PLK1: variants seen among roughly 807,000 people sequenced by gnomAD.
The protein encoded by PLK1 is serine/threonine-protein kinase PLK1.
PLK1 carries 6 observed loss-of-function variants against 56.7 expected under a neutral mutation model. That is an observed-to-expected ratio of 0.11 (90% CI 0.06 to 0.21). The LOEUF is 0.21. Ranked by LOEUF, PLK1 falls within the 10% of genes least tolerant of loss-of-function variation. The pLI is 1.00. For missense variants in PLK1, 546 were observed against 814.4 expected (o/e 0.67, Z 4.01); for synonymous variants, 298 against 325.0 (o/e 0.92, Z 0.89).
Position 23,681,919 on chromosome 16 carries a change from T to C in PLK1, c.723-145T>C, listed in dbSNP as rs1597134412. 10 of 611,506 alleles carry C rather than the reference T, an allele frequency of 1.6e-5. No homozygotes were observed. The East Asian group carries it at 2.7e-4, about 17-fold the overall frequency. The allele number at this position is 611,506 out of a possible 1,614,324, so 37.9% of individuals were successfully genotyped here. A position where few individuals can be genotyped will look rare whatever the true frequency, so the allele number is the denominator to read the frequency against. ...TGTCATGGCTTCTGGGGCTGCTCAG[T>C]GGACTTAGGGATTGTCTTCAGGGGC... On this transcript the variant is annotated intron_variant, in intron 3 of 9. Transcript: ENST00000300093.
At position 23,682,127 on chromosome 16, in the gene PLK1, G is replaced by A. The variant is rs142838319; in HGVS notation, c.786G>A (p.Arg262=). Reference sequence around the variant, plus strand: ...CTTGCCTAAAAGAGACCTACCTCCGGATCAAGAAGAATGAATACAGTATTC... The same window carrying A: ...CTTGCCTAAAAGAGACCTACCTCCGAATCAAGAAGAATGAATACAGTATTC... The part of the protein sequence containing the change: ...ETSCLKETYL[R]IKKNEYSIPK... Residue 262 remains arginine, a synonymous_variant, in exon 4 of 10, where the codon CGG becomes CGA. Coordinates refer to ENST00000300093, the MANE Select transcript of PLK1 (RefSeq NM_005030.6). The A allele has an allele frequency of 1.2e-4, 191 of 1,597,544 alleles. No homozygotes were observed. Among genetic ancestry groups the A allele is most frequent in the Non-Finnish European group, 1.5e-4 (176 of 1,165,058 alleles).
chr16:23,679,611 GA>G (rs1190940332), intron 1 of PLK1: 5 of 448,380 alleles, frequency 1.1e-5, no homozygotes, highest in Middle Eastern at 5.9e-4. Context: ...GTGCTGGGGG[GA>G]GGGGTGCTGG....
Position 23,690,254 on chromosome 16 carries a change from C to T in PLK1, c.*191C>T, listed in dbSNP as rs1021299648. The T allele has an allele frequency of 1.2e-5, 7 of 604,982 alleles. No individual in the cohort carries two copies. The highest frequency in any genetic ancestry group is 8.2e-5 in the East Asian group (3 of 36,514). The allele number at this position is 604,982 out of a possible 1,614,324, so 37.5% of individuals were successfully genotyped here. A position where few individuals can be genotyped will look rare whatever the true frequency, so the allele number is the denominator to read the frequency against. On this transcript the variant is annotated 3_prime_UTR_variant, in exon 10 of 10. Transcript: ENST00000300093. Reference sequence around the variant, plus strand: ...TGTACATGTTCGGGTGTGGGTTCTACAGCCTTGTCCCCCTCCCCCTCAACC... The same window carrying T: ...TGTACATGTTCGGGTGTGGGTTCTATAGCCTTGTCCCCCTCCCCCTCAACC...
At chr16:23,680,273 G>T in intron 2 of PLK1, 21 bp downstream of exon 2, 1 of 1,611,350 alleles carries the variant, frequency 6.2e-7, no homozygotes, top group Non-Finnish European at 8.5e-7. Flanking sequence ...GAGCCTGCAG[G>T]GGTGCTTGAC....
chr16:23,685,091 A>G (rs1286464220), intron 5 of PLK1, among the ~76,000 whole-genome samples: 1 of 145,292 alleles, frequency 6.9e-6, no homozygotes, highest in African/African-American at 2.5e-5. Flanking sequence ...GTCACTTGAA[A>G]TACTTTTTTT....
At position 23,683,800 on chromosome 16, in the gene PLK1, C is replaced by G. The variant is rs995824743; in HGVS notation, c.817-70C>G. The G allele has an allele frequency of 8.7e-5, 105 of 1,211,264 alleles. 1 individual carries two copies. In the African/African-American group the frequency reaches 1.3e-3, roughly 15 times the overall value. 75.0% of individuals were successfully genotyped at this position (1,211,264 alleles called of 1,614,324 possible). A position where few individuals can be genotyped will look rare whatever the true frequency, so the allele number is the denominator to read the frequency against. Reference sequence around the variant, plus strand: ...GCATGTGGGCTGGGGACCTGCAGCTCCTTTGAGGCCGTACTGTACTCCAGG... The same window carrying G: ...GCATGTGGGCTGGGGACCTGCAGCTGCTTTGAGGCCGTACTGTACTCCAGG... On this transcript the variant is annotated intron_variant, in intron 4 of 9. Transcript: ENST00000300093.
rs1959491866 is a variant in PLK1 at position 23,689,246 on chromosome 16, C to T, written c.1279C>T (p.Leu427Phe). The T allele has an allele frequency of 1.2e-6, 2 of 1,611,318 alleles. No individual in the cohort carries two copies. Among genetic ancestry groups the T allele is most frequent in the Non-Finnish European group, 8.5e-7 (1 of 1,177,848 alleles). Reference protein sequence around the residue: ...YSDKYGLGYQLCDNSVGVLFN... With the variant: ...YSDKYGLGYQFCDNSVGVLFN... ...TCTCCACCGATCCCTAGGGTATCAG[C>T]TCTGTGATAACAGCGTGGGGGTGCT... Residue 427 changes from leucine to phenylalanine, a missense_variant, in exon 8 of 10, where the codon CTC becomes TTC. Around this residue, in one of 7 missense-constraint regions of PLK1, gnomAD observed 113 missense variants for 202.0 expected, o/e 0.56. Coordinates refer to ENST00000300093, the MANE Select transcript of PLK1 (RefSeq NM_005030.6). This position sits in a 1 kb window ranked among gnomAD's most constrained non-coding sequence, Gnocchi z 4.8.
intron 1 of PLK1, 58 bp from the exon 2 acceptor site, chr16:23,680,026 T>TC: frequency 7.8e-7 from 1 of 1,276,480 alleles, no homozygotes; most frequent in Non-Finnish European, 1.1e-6. Flanking sequence ...CCCTCTCCCT[T>TC]CCCCACCGGC....
chr16:23,684,169 G>C, intron 5 of PLK1, 80 bp downstream of exon 5: 1 of 1,084,152 alleles, frequency 9.2e-7, no homozygotes, highest in Non-Finnish European at 1.4e-6. Context: ...TTAGTCCCTG[G>C]CCCTGAGAGC....
chr16:23,681,118 C>A, intron 3 of PLK1, 60 bp downstream of exon 3: 3 of 1,493,332 alleles, frequency 2.0e-6, no homozygotes, highest in Non-Finnish European at 2.8e-6. Flanking sequence ...TTGGGACATC[C>A]TACCTGGCTG....
Position 23,689,301 on chromosome 16 carries a change from A to G in PLK1, c.1334A>G (p.Tyr445Cys), listed in dbSNP as rs770851479. The change falls in exon 8 of 10, where the codon TAC becomes TGC. Residue 445 changes from tyrosine to cysteine, a missense_variant. Tyr to Cys is a radical substitution (Grantham distance 194). Coordinates refer to ENST00000300093, the MANE Select transcript of PLK1 (RefSeq NM_005030.6). The surrounding 1 kb of genome is among the most constrained non-coding windows in gnomAD (Gnocchi z 4.8). The stretch of plus-strand genomic sequence containing the variant: ...AATGACTCAACACGCCTCATCCTCT[A>G]CAATGATGGTGACAGCCTGCAGTAC... ...LFNDSTRLIL[Y>C]NDGDSLQYIE... is the part of the protein sequence containing the mutation. 6.2e-7 allele frequency: 1 copy of G among 1,613,896 alleles called. No homozygotes were observed. Among genetic ancestry groups the G allele is most frequent in the Non-Finnish European group, 8.5e-7 (1 of 1,179,806 alleles).
chr16:23,682,689 T>G (rs1338048473), intron 4 of PLK1, among the ~76,000 whole-genome samples: 2 of 149,010 alleles, frequency 1.3e-5, no homozygotes, highest in East Asian at 4.0e-4. Flanking sequence ...CGCCTGGCTT[T>G]TTTTTTTTTT....
chr16:23,689,407 GC>G lies in PLK1; in HGVS notation c.1425+18del. On this transcript the variant is annotated intron_variant, in intron 8 of 9. Coordinates refer to ENST00000300093, the MANE Select transcript of PLK1 (RefSeq NM_005030.6). This position sits in a 1 kb window ranked among gnomAD's most constrained non-coding sequence, Gnocchi z 4.8. ...TGATGAAGAAGGTGAGTGCCGTCCG[GC>G]CCATGGGGGGTGGTGTTGCAGAAGT... 6.2e-7 allele frequency: 1 copy of G among 1,604,038 alleles called. No homozygotes were observed. The highest frequency in any genetic ancestry group is 1.1e-5 in the South Asian group (1 of 90,946).
Position 23,689,112 on chromosome 16 carries a change from G to T in PLK1, c.1271-126G>T. ...TTGCCCAGGCTGGTCTCAAACTCCT[G>T]GGCTCAAACAATCCTCCTCCCTCAG... On this transcript the variant is annotated intron_variant, in intron 7 of 9. Transcript: ENST00000300093. This position sits in a 1 kb window ranked among gnomAD's most constrained non-coding sequence, Gnocchi z 4.8. 1 of 816,264 alleles carries T rather than the reference G, an allele frequency of 1.2e-6. No homozygotes were observed. The highest frequency in any genetic ancestry group is 2.5e-5 in the East Asian group (1 of 40,528). 50.6% of individuals were successfully genotyped at this position (816,264 alleles called of 1,614,324 possible).
At chr16:23,688,353 T>C (rs891315667) in intron 6 of PLK1, among the ~76,000 whole-genome samples, 1 of 152,226 alleles carries the variant, frequency 6.6e-6, no homozygotes, top group African/African-American at 2.4e-5. Flanking sequence ...TGGGGTTTTG[T>C]CTGTTGCTCA....
chr16:23,683,695 C>T (rs1418143372), intron 4 of PLK1, among the ~76,000 whole-genome samples, 175 bp from the exon 5 acceptor site: 1 of 152,120 alleles, frequency 6.6e-6, no homozygotes, highest in Non-Finnish European at 1.5e-5. Flanking sequence ...CAATGGTGCT[C>T]AGTAAAGCTG....
At position 23,684,058 on chromosome 16, in the gene PLK1, C is replaced by G. The variant is rs765047496; in HGVS notation, c.1005C>G (p.Ser335Arg). 1.9e-6 allele frequency: 3 copies of G among 1,614,166 alleles called. No homozygotes were observed. In the Admixed American group the frequency reaches 5.0e-5, roughly 27 times the overall value. ...TTGCTCCCAGCAGCCTGGACCCCAG[C>G]AACCGGAAGCCCCTCACAGTCCTCA... is the stretch of plus-strand genomic sequence containing the variant. ...FSIAPSSLDP[S>R]NRKPLTVLNK... The change falls in exon 5 of 10, where the codon AGC becomes AGG. Residue 335 changes from serine (S) to arginine (R), a missense_variant. This residue lies in a region of PLK1 where 157 missense variants were observed against 184.0 expected (regional missense o/e 0.85). Coordinates refer to ENST00000300093, the MANE Select transcript of PLK1 (RefSeq NM_005030.6).
In PLK1 at chr16:23,679,079, C is replaced by T; in HGVS notation, c.147C>T (p.Ser49=). Reference sequence around the variant, plus strand: ...CGGAGGTCCTAGTGGACCCACGCAGCCGGCGGCGCTATGTGCGGGGCCGCT... The same window carrying T: ...CGGAGGTCCTAGTGGACCCACGCAGTCGGCGGCGCTATGTGCGGGGCCGCT... ...EIPEVLVDPR[S]RRRYVRGRFL... Residue 49 remains serine (S), a synonymous_variant, in exon 1 of 10, where the codon AGC becomes AGT. Coordinates refer to ENST00000300093, the MANE Select transcript of PLK1 (RefSeq NM_005030.6). 1 of 1,606,018 alleles carries T rather than the reference C, an allele frequency of 6.2e-7. No individual in the cohort carries two copies. Among genetic ancestry groups the T allele is most frequent in the South Asian group, 1.1e-5 (1 of 90,882 alleles).
rs753688326 is a variant in PLK1, at chr16:23,679,301, C to T, written c.369C>T (p.Asn123=). 84 of 1,613,598 alleles carry T rather than the reference C, an allele frequency of 5.2e-5. No individual in the cohort carries two copies. The highest frequency in any genetic ancestry group is 6.9e-5 in the Non-Finnish European group (81 of 1,179,912). The change falls in exon 1 of 10, where the codon AAC becomes AAT. Residue 123 remains asparagine (N), a synonymous_variant. Coordinates refer to ENST00000300093, the MANE Select transcript of PLK1 (RefSeq NM_005030.6). ...GATTCCACGGCTTTTTCGAGGACAA[C>T]GACTTCGTGTTCGTGGTGTTGGAGC... ...VVGFHGFFED[N]DFVFVVLELC...
Sources: allele counts gnomAD v4.1 joint callset (sites outside exome capture counted in the v4.1 genomes callset), GRCh38; gene constraint gnomAD v4.1.1; regional missense constraint gnomAD v4.1.1; non-coding constraint Gnocchi (gnomAD v3.1); transcripts MANE v1.5; gene names NCBI Gene and HGNC (gene_info 2026-07-23, HGNC 2026-07-21).